Variants in XRCC4 observed in about 807,000 individuals in gnomAD.
The protein encoded by XRCC4 is X-ray repair cross complementing 4.
A neutral mutation model predicts 39.1 loss-of-function variants in XRCC4; 28 were observed. The ratio of observed to expected loss-of-function variants is 0.72; its 90% CI spans 0.53 to 0.98. XRCC4 has a LOEUF of 0.98. Among genes scored for constraint, XRCC4 ranks in the 50% least tolerant of loss-of-function variants. The pLI is 0.00. For missense variants in XRCC4, 350 were observed against 376.4 expected, an observed-to-expected ratio of 0.93 and a Z score of 0.58; for synonymous variants, 123 against 126.4, an observed-to-expected ratio of 0.97 and a Z score of 0.18.
chr5:83,266,963 C>T (rs1339592862), intron 7 of XRCC4, among the ~76,000 whole-genome samples: 2 of 152,114 alleles, frequency 1.3e-5, no homozygotes, highest in Non-Finnish European at 2.9e-5. Context: ...TAATGAATAG[C>T]ACACATACGT....
At chr5:83,087,315 TC>T (rs1440687183) in intron 1 of XRCC4, among the ~76,000 whole-genome samples, 1 of 151,496 alleles carries the variant, frequency 6.6e-6, no homozygotes, top group African/African-American at 2.4e-5. Context: ...AGACCCTGTC[TC>T]CAAAAAAATA....
At chr5:83,202,416 C>A (rs1216805643) in intron 4 of XRCC4, among the ~76,000 whole-genome samples, 1 of 152,078 alleles carries the variant, frequency 6.6e-6, no homozygotes, top group Non-Finnish European at 1.5e-5. Flanking sequence ...TGAAATTGGT[C>A]CCAGAGAATA....
At chr5:83,313,116 G>C (rs1336371301) in intron 7 of XRCC4, among the ~76,000 whole-genome samples, 1 of 147,612 alleles carries the variant, frequency 6.8e-6, no homozygotes, top group Non-Finnish European at 1.5e-5. Flanking sequence ...TAACAATACA[G>C]GTGGTCAAAA....
Position 83,314,196 on chromosome 5 carries a change from T to C in XRCC4, c.894-38935T>C, listed in dbSNP as rs531480884. 3.3e-5 allele frequency among the ~76,000 whole-genome samples: 5 copies of C among 152,242 alleles called. No individual in the cohort carries two copies. In the East Asian group the frequency reaches 9.6e-4, roughly 29 times the overall value. On this transcript the variant is annotated intron_variant, in intron 7 of 7. Transcript: ENST00000396027. ...GTGGTAGGCACTAATTTAAAAAAAT[T>C]GTATCAGTCAAATAAATAAATTATA... is the stretch of plus-strand genomic sequence containing the variant.
intron 7 of XRCC4, among the ~76,000 whole-genome samples, chr5:83,274,131 A>G (rs1372237014): frequency 6.6e-6 from 1 of 152,220 alleles, no homozygotes; most frequent in Non-Finnish European, 1.5e-5. Flanking sequence ...ATAAGTGTTC[A>G]GTATTGGTAA....
intron 7 of XRCC4, among the ~76,000 whole-genome samples, chr5:83,275,142 G>T (rs1207786407): frequency 6.6e-6 from 1 of 152,134 alleles, no homozygotes; most frequent in Non-Finnish European, 1.5e-5. Context: ...TAGTAGGTTT[G>T]ATTTAGAATA....
At chr5:83,349,478 T>C (rs1261619778) in intron 7 of XRCC4, among the ~76,000 whole-genome samples, 1 of 152,240 alleles carries the variant, frequency 6.6e-6, no homozygotes, top group East Asian at 1.9e-4. Flanking sequence ...AAAAGCTCAA[T>C]GATCTCCATT....
At chr5:83,330,872 C>G (rs1360045041) in intron 7 of XRCC4, among the ~76,000 whole-genome samples, 1 of 151,960 alleles carries the variant, frequency 6.6e-6, no homozygotes, top group Admixed American at 6.6e-5. Flanking sequence ...ATAGCAAGAT[C>G]TATCTGTCAG....
chr5:83,186,777 T>A (rs1420388751), intron 3 of XRCC4, among the ~76,000 whole-genome samples: 2 of 152,132 alleles, frequency 1.3e-5, no homozygotes, highest in Non-Finnish European at 2.9e-5. Flanking sequence ...AACATAAATA[T>A]ATATTTTACT....
intron 6 of XRCC4, among the ~76,000 whole-genome samples, chr5:83,222,184 T>C (rs982843462): frequency 3.3e-5 from 5 of 152,010 alleles, no homozygotes; most frequent in African/African-American, 1.2e-4. Flanking sequence ...ATATAATTTA[T>C]ATATTTTAGG....
intron 7 of XRCC4, among the ~76,000 whole-genome samples, chr5:83,298,536 T>A (rs1396463285): frequency 6.6e-6 from 1 of 152,004 alleles, no homozygotes. Context: ...TATAGCCACA[T>A]GAGCATTCTT....
At chr5:83,339,651 A>G (rs1756697077) in intron 7 of XRCC4, among the ~76,000 whole-genome samples, 1 of 152,168 alleles carries the variant, frequency 6.6e-6, no homozygotes, top group African/African-American at 2.4e-5. Context: ...CAAGCTGTAG[A>G]ATTATCCTTA....
chr5:83,223,071 T>G (rs371261511), intron 6 of XRCC4, among the ~76,000 whole-genome samples: 2 of 152,168 alleles, frequency 1.3e-5, no homozygotes, highest in Non-Finnish European at 2.9e-5. Flanking sequence ...TTGAAAAATT[T>G]GTTGAGACTT....
At chr5:83,351,031 C>T (rs1003399296) in intron 7 of XRCC4, among the ~76,000 whole-genome samples, 2 of 152,062 alleles carry the variant, frequency 1.3e-5, no homozygotes, top group East Asian at 1.9e-4. Context: ...GAAGAAGGGG[C>T]CTGGTGGGAG....
At chr5:83,373,686 C>T in the XRCC4 span, among the ~76,000 whole-genome samples, 1 of 152,140 alleles carries the variant, frequency 6.6e-6, no homozygotes, top group East Asian at 1.9e-4. Flanking sequence ...ATTTAACACT[C>T]TTCACACTGC....
chr5:83,348,285 T>C (rs1272175049), intron 7 of XRCC4, among the ~76,000 whole-genome samples: 1 of 152,202 alleles, frequency 6.6e-6, no homozygotes, highest in South Asian at 2.1e-4. Context: ...ACTGCCCTAG[T>C]AGAGGTTCTC....
chr5:83,285,478 G>A (rs1478472626), intron 7 of XRCC4, among the ~76,000 whole-genome samples: 2 of 152,180 alleles, frequency 1.3e-5, no homozygotes, highest in African/African-American at 2.4e-5. Context: ...GAGGTACATG[G>A]AAGAGTCGCT....
intron 7 of XRCC4, among the ~76,000 whole-genome samples, chr5:83,277,519 G>A (rs980525196): frequency 6.6e-6 from 1 of 152,176 alleles, no homozygotes; most frequent in African/African-American, 2.4e-5. Flanking sequence ...ACATGTTGGG[G>A]TATTTGTTAC....
At chr5:83,312,104 A>T (rs1302060511) in intron 7 of XRCC4, among the ~76,000 whole-genome samples, 1 of 152,174 alleles carries the variant, frequency 6.6e-6, no homozygotes, top group Non-Finnish European at 1.5e-5. Flanking sequence ...AGGCACAGAA[A>T]TCTGCTACAG....
Sources: gnomAD v4.1 joint callset for allele counts (sites outside exome capture counted in the v4.1 genomes callset) on GRCh38, gnomAD v4.1.1 for gene constraint, MANE v1.5 for transcripts, NCBI Gene and HGNC (gene_info 2026-07-23, HGNC 2026-07-21) for gene names.